CASZ1: variants seen among roughly 807,000 people sequenced by gnomAD.
CASZ1 encodes zinc finger protein castor homolog 1.
A neutral mutation model predicts 135.2 loss-of-function variants in CASZ1; 28 were observed. The ratio of observed to expected loss-of-function variants is 0.21; its 90% CI spans 0.15 to 0.28. The LOEUF (loss-of-function observed/expected upper bound fraction) is 0.28. CASZ1 is among the 10% of genes least tolerant of loss of function. CASZ1 has a pLI of 1.00. For synonymous variants in CASZ1, 1,068 were observed against 1,073.4 expected (o/e 0.99, Z 0.10); for missense variants, 2,161 against 2,453.3 (o/e 0.88, Z 2.52).
intron 6 of CASZ1, among the ~76,000 whole-genome samples, chr1:10,659,336 C>T (rs1642915954): frequency 7.1e-6 from 1 of 141,308 alleles, no homozygotes. Flanking sequence ...CTGTCATGGG[C>T]AGTCCCGGTG....
intron 1 of CASZ1, among the ~76,000 whole-genome samples, chr1:10,789,334 C>A (rs1173845557): frequency 7.3e-5 from 11 of 150,490 alleles, no homozygotes; most frequent in African/African-American, 2.4e-4. Flanking sequence ...AAACCCTGGG[C>A]CTGCCACTTC....
chr1:10,743,449 C>T lies in CASZ1; in HGVS notation c.-77+17252G>A, dbSNP rs915713838. 1.9e-4 allele frequency among the ~76,000 whole-genome samples: 25 copies of T among 132,386 alleles called. 1 individual carries two copies. The highest frequency in any genetic ancestry group is 1.4e-3 in the East Asian group (7 of 4,852). The allele number at this position is 132,386 out of a possible 152,430, so 86.9% of individuals were successfully genotyped here. A position where few individuals can be genotyped will look rare whatever the true frequency, so the allele number is the denominator to read the frequency against. ...CCCTGGGAGAGCCCTGGGCCTCCACCGAGAACCTTCTAAGTGTACCCCGGC... is the reference window on the plus strand; with the variant it reads ...CCCTGGGAGAGCCCTGGGCCTCCACTGAGAACCTTCTAAGTGTACCCCGGC... On this transcript the variant is annotated intron_variant, in intron 2 of 20. Transcript: ENST00000377022.
intron 20 of CASZ1, 36 bp downstream of exon 20, chr1:10,642,823 G>GCCT (rs758520250): frequency 6.2e-7 from 1 of 1,605,290 alleles, no homozygotes; most frequent in South Asian, 1.1e-5. Flanking sequence ...TGGGAGTGGG[G>GCCT]CCTGGCCCTG....
chr1:10,778,541 T>C (rs1005667846), intron 1 of CASZ1, among the ~76,000 whole-genome samples: 1 of 151,888 alleles, frequency 6.6e-6, no homozygotes, highest in Non-Finnish European at 1.5e-5. Context: ...CGCAAAACGA[T>C]TTACACACGA....
chr1:10,792,526 A>G (rs1361187365), intron 1 of CASZ1, among the ~76,000 whole-genome samples: 4 of 152,074 alleles, frequency 2.6e-5, no homozygotes, highest in Non-Finnish European at 4.4e-5. Flanking sequence ...GGTTCTACCT[A>G]CAACTTAGTC....
chr1:10,795,051 C>T (rs1322200334), intron 1 of CASZ1, among the ~76,000 whole-genome samples: 1 of 152,158 alleles, frequency 6.6e-6, no homozygotes, highest in African/African-American at 2.4e-5. Flanking sequence ...GAAAGCAAAA[C>T]TTCCTGGCGG....
At position 10,653,532 on chromosome 1, in the gene CASZ1, G is replaced by A. The variant is rs144904054; in HGVS notation, c.2525C>T (p.Ser842Leu). The change falls in exon 11 of 21, where the codon TCG becomes TTG. Residue 842 changes from serine to leucine, a missense_variant. Around this residue, in one of 7 missense-constraint regions of CASZ1, gnomAD observed 406 missense variants for 387.6 expected, o/e 1.05. Transcript: ENST00000377022. ...ATPDTPTLVA[S>L]GAGDSAPVAA... ...CACGGGGGCTGAGTCTCCAGCTCCC[G>A]AGGCGACCAGCGTGGGTGTGTCAGG... The A allele has an allele frequency of 9.4e-6, 15 of 1,602,940 alleles. No individual in the cohort carries two copies. The highest frequency in any genetic ancestry group is 3.3e-5 in the South Asian group (3 of 89,764).
At position 10,755,149 on chromosome 1, in the gene CASZ1, G is replaced by A. The variant is rs979694048; in HGVS notation, c.-77+5552C>T. ...TGGGTGGGAACGTGGCAGCATCCAG[G>A]GGTCCCGCGGAAGGTGGGCAGCAAG... On this transcript the variant is annotated intron_variant, in intron 2 of 20. Coordinates refer to ENST00000377022, the MANE Select transcript of CASZ1 (RefSeq NM_001079843.3). This position sits in a 1 kb window ranked among gnomAD's most constrained non-coding sequence, Gnocchi z 4.3. Among the ~76,000 whole-genome samples, 1 of 152,194 alleles carries A rather than the reference G, an allele frequency of 6.6e-6. No homozygotes were observed. Among genetic ancestry groups the A allele is most frequent in the Non-Finnish European group, 1.5e-5 (1 of 68,028 alleles).
At chr1:10,773,366 G>A (rs1044938136) in intron 1 of CASZ1, among the ~76,000 whole-genome samples, 1 of 151,556 alleles carries the variant, frequency 6.6e-6, no homozygotes, top group African/African-American at 2.4e-5. Flanking sequence ...GACAGACGTG[G>A]GCAGAGACAG....
chr1:10,671,872 G>A (rs77302518), intron 4 of CASZ1, among the ~76,000 whole-genome samples: 8,870 of 152,300 alleles, frequency 0.058, 421 homozygotes, highest in African/African-American at 0.12. Flanking sequence ...TAGGATGATG[G>A]CAGAAACACC....
intron 1 of CASZ1, among the ~76,000 whole-genome samples, chr1:10,786,188 G>C (rs1348920900): frequency 6.6e-6 from 1 of 152,016 alleles, no homozygotes; most frequent in Non-Finnish European, 1.5e-5. Context: ...ACCCCACCCT[G>C]GCCTTCTGTC....
At chr1:10,784,642 C>T (rs901869214) in intron 1 of CASZ1, among the ~76,000 whole-genome samples, 1 of 152,160 alleles carries the variant, frequency 6.6e-6, no homozygotes, top group African/African-American at 2.4e-5. Flanking sequence ...CAGTTCACTG[C>T]AACCTCCGCC....
rs1642105962 is a variant in CASZ1 at position 10,639,151 on chromosome 1, C to G, written c.5071G>C (p.Asp1691His). Reference sequence around the variant, plus strand: ...TCGTCGTCGTCCTCGTCCTCGTCGTCTTCGGCCTCCTCCTCCGGCAGCTCC... The same window carrying G: ...TCGTCGTCGTCCTCGTCCTCGTCGTGTTCGGCCTCCTCCTCCGGCAGCTCC... Reference protein sequence around the residue: ...ELELPEEEAEDDEDEDDDEDD... With the variant: ...ELELPEEEAEHDEDEDDDEDD... The change falls in exon 21 of 21, where the codon GAC becomes CAC. Residue 1691 changes from aspartate (D) to histidine (H), a missense_variant. Physicochemically the swap from Asp to His is moderately conservative, Grantham distance 81 (BLOSUM62 -1). Coordinates refer to ENST00000377022, the MANE Select transcript of CASZ1 (RefSeq NM_001079843.3). This position sits in a 1 kb window ranked among gnomAD's most constrained non-coding sequence, Gnocchi z 4.0. 8.3e-6 allele frequency: 9 copies of G among 1,087,836 alleles called. No individual in the cohort carries two copies. Among genetic ancestry groups the G allele is most frequent in the Non-Finnish European group, 1.0e-5 (9 of 882,514 alleles). The allele number at this position is 1,087,836 out of a possible 1,614,324, so 67.4% of individuals were successfully genotyped here.
intron 11 of CASZ1, chr1:10,651,840 C>T (rs1488302255): frequency 6.6e-6 from 1 of 152,248 alleles, no homozygotes; most frequent in Non-Finnish European, 1.5e-5. Flanking sequence ...AAAAATAAAA[C>T]GGCCCCCTCC....
At position 10,701,358 on chromosome 1, in the gene CASZ1, C is replaced by A. The variant is rs1332296613; in HGVS notation, c.-24+4134G>T. 6.6e-6 allele frequency among the ~76,000 whole-genome samples: 1 copy of A among 152,242 alleles called. No individual in the cohort carries two copies. The highest frequency in any genetic ancestry group is 2.4e-5 in the African/African-American group (1 of 41,460). ...CGTGAATTCACCTTCATACTAGTTACAGGGTTATTTAGCTTCTCCTGATGC... is the reference window on the plus strand; with the variant it reads ...CGTGAATTCACCTTCATACTAGTTAAAGGGTTATTTAGCTTCTCCTGATGC... On this transcript the variant is annotated intron_variant, in intron 3 of 20. Transcript: ENST00000377022. This position sits in a 1 kb window ranked among gnomAD's most constrained non-coding sequence, Gnocchi z 6.3.
chr1:10,728,642 C>A lies in CASZ1; in HGVS notation c.-76-23098G>T, dbSNP rs948726545. On this transcript the variant is annotated intron_variant, in intron 2 of 20. Transcript: ENST00000377022. ...TTTCCCCCTCTTGGTCAGGTTAAAG[C>A]GCTCCTGAGGGGTGATTGACGGGGG... Among the ~76,000 whole-genome samples, 4 of 152,002 alleles carry A rather than the reference C, an allele frequency of 2.6e-5. No individual in the cohort carries two copies. The East Asian group carries it at 7.7e-4, about 29-fold the overall frequency.
At chr1:10,730,574 T>C (rs1002049400) in intron 2 of CASZ1, among the ~76,000 whole-genome samples, 1 of 152,086 alleles carries the variant, frequency 6.6e-6, no homozygotes, top group African/African-American at 2.4e-5. Context: ...ACAGACAAAT[T>C]GTGATTTTTC....
chr1:10,777,402 C>A lies in CASZ1; in HGVS notation c.-233-16545G>T, dbSNP rs1463918206. 1.3e-5 allele frequency among the ~76,000 whole-genome samples: 2 copies of A among 152,116 alleles called. No individual in the cohort carries two copies. Among genetic ancestry groups the A allele is most frequent in the Admixed American group, 6.5e-5 (1 of 15,274 alleles). ...CTCCTTTCTCTTATTGGTCAAACCACCGCATCATTCCCACAAAATCCTCTG... is the reference window on the plus strand; with the variant it reads ...CTCCTTTCTCTTATTGGTCAAACCAACGCATCATTCCCACAAAATCCTCTG... On this transcript the variant is annotated intron_variant, in intron 1 of 20. Transcript: ENST00000377022. The surrounding 1 kb of genome is among the most constrained non-coding windows in gnomAD (Gnocchi z 4.4).
intron 20 of CASZ1, among the ~76,000 whole-genome samples, 184 bp from the exon 21 acceptor site, chr1:10,640,243 G>T (rs1172491886): frequency 2.0e-5 from 3 of 152,172 alleles, no homozygotes; most frequent in Non-Finnish European, 4.4e-5. Flanking sequence ...GCACAGCAGG[G>T]GTCCTGGGCT....
Sources: gnomAD v4.1 joint callset for allele counts (sites outside exome capture counted in the v4.1 genomes callset) on GRCh38, gnomAD v4.1.1 for gene constraint, gnomAD v4.1.1 regional missense constraint, Gnocchi (gnomAD v3.1) non-coding constraint, MANE v1.5 for transcripts, NCBI Gene and HGNC (gene_info 2026-07-23, HGNC 2026-07-21) for gene names.